SCAI: variants seen among roughly 807,000 people sequenced by gnomAD.
SCAI encodes suppressor of cancer cell invasion, also known as protein SCAI.
SCAI carries 24 observed loss-of-function variants against 92.2 expected under a neutral mutation model. That is an observed-to-expected ratio of 0.26 (90% CI 0.19 to 0.37). SCAI has a LOEUF of 0.37. Among genes scored for constraint, SCAI ranks in the 10% least tolerant of loss-of-function variants. SCAI has a pLI of 1.00. For synonymous variants in SCAI, 261 were observed against 258.6 expected (o/e 1.01, Z -0.09); for missense variants, 450 against 736.2 (o/e 0.61, Z 4.50).
chr9:124,977,919 T>C (rs1240838084), intron 14 of SCAI, among the ~76,000 whole-genome samples: 1 of 152,100 alleles, frequency 6.6e-6, no homozygotes, highest in East Asian at 1.9e-4. Context: ...ATTCCAAATA[T>C]ATCAAAGATG....
At chr9:125,083,592 C>T (rs1392287113) in intron 2 of SCAI, among the ~76,000 whole-genome samples, 2 of 151,734 alleles carry the variant, frequency 1.3e-5, no homozygotes, top group Non-Finnish European at 2.9e-5. Flanking sequence ...CTTCCTCAGC[C>T]ACATGGAACT....
At chr9:125,118,001 A>C (rs180745382) in intron 2 of SCAI, among the ~76,000 whole-genome samples, 1 of 152,246 alleles carries the variant, frequency 6.6e-6, no homozygotes, top group Admixed American at 6.5e-5. Flanking sequence ...TATAAACCTT[A>C]TCCCCTAATA....
rs753626978 is a variant in SCAI, at chr9:124,976,138, T to C, written c.1375A>G (p.Thr459Ala). ...CCTTGTAAAGCTTTTGGATATGCTG[T>C]AGGAGAAAGCAAGCAGACTAGTGGC... ...GQPLVCLLSP[T>A]AYPKALQDQS... The change falls in exon 15 of 18, where the codon ACA (threonine) becomes GCA (alanine). Residue 459 changes from threonine to alanine, a missense_variant. Thr to Ala is a moderately conservative substitution (Grantham distance 58, BLOSUM62 0). Around this residue, in one of 3 missense-constraint regions of SCAI, gnomAD observed 360 missense variants for 601.8 expected, o/e 0.60. Transcript: ENST00000336505. The C allele has an allele frequency of 2.5e-6, 4 of 1,612,362 alleles. No individual in the cohort carries two copies. Among genetic ancestry groups the C allele is most frequent in the Non-Finnish European group, 2.5e-6 (3 of 1,178,516 alleles).
intron 2 of SCAI, among the ~76,000 whole-genome samples, chr9:125,089,466 T>C (rs1197163655): frequency 6.6e-6 from 1 of 152,130 alleles, no homozygotes; most frequent in Non-Finnish European, 1.5e-5. Context: ...CATACAAAGA[T>C]GAAAGTGCAA....
intron 9 of SCAI, among the ~76,000 whole-genome samples, chr9:125,013,200 A>G (rs1832674598): frequency 1.3e-5 from 2 of 151,668 alleles, no homozygotes; most frequent in African/African-American, 4.8e-5. Flanking sequence ...TGAAGGAAAT[A>G]GAGACACAAA....
At chr9:124,975,052 T>C (rs1831728501) in intron 15 of SCAI, among the ~76,000 whole-genome samples, 1 of 152,178 alleles carries the variant, frequency 6.6e-6, no homozygotes, top group South Asian at 2.1e-4. Context: ...GACAGATTGA[T>C]AGCAAAAAGT....
At chr9:124,979,503 G>A (rs1189208663) in intron 14 of SCAI, among the ~76,000 whole-genome samples, 1 of 151,860 alleles carries the variant, frequency 6.6e-6, no homozygotes, top group Admixed American at 6.6e-5. Flanking sequence ...TCATGTCACT[G>A]TACCCTAGCC....
intron 2 of SCAI, among the ~76,000 whole-genome samples, chr9:125,089,127 T>C (rs532145479): frequency 6.6e-6 from 1 of 152,318 alleles, no homozygotes; most frequent in Admixed American, 6.5e-5. Flanking sequence ...ATTCTACATA[T>C]CTAATAATGA....
chr9:124,970,385 T>A (rs1359908566), intron 17 of SCAI, among the ~76,000 whole-genome samples: 1 of 151,800 alleles, frequency 6.6e-6, no homozygotes, highest in Non-Finnish European at 1.5e-5. Flanking sequence ...GGAATAGAAA[T>A]ACATGCTGCA....
chr9:125,123,140 T>C (rs181239013), intron 2 of SCAI, among the ~76,000 whole-genome samples: 71 of 152,250 alleles, frequency 4.7e-4, no homozygotes, highest in African/African-American at 1.6e-3. Context: ...GGTAGGCAGA[T>C]TGCCTGTGCT....
intron 17 of SCAI, among the ~76,000 whole-genome samples, chr9:124,964,402 G>A (rs1427530531): frequency 6.6e-6 from 1 of 152,104 alleles, no homozygotes; most frequent in African/African-American, 2.4e-5. Context: ...CAAATCCTCT[G>A]AAGTCATGCA....
At chr9:125,016,433 T>C (rs141133681) in intron 9 of SCAI, among the ~76,000 whole-genome samples, 80 of 137,852 alleles carry the variant, frequency 5.8e-4, no homozygotes, top group African/African-American at 2.0e-3. Context: ...AAATGTCAGT[T>C]ATCTAAGCAA....
intron 9 of SCAI, among the ~76,000 whole-genome samples, chr9:125,005,601 GATTACAGGCATGAGCC>G (rs1231964747): frequency 2.0e-5 from 3 of 152,192 alleles, no homozygotes; most frequent in Non-Finnish European, 2.9e-5. Context: ...AAAGTGCTGG[GATTACAGGCATGAGCC>G]ACTGCGCCCA....
intron 2 of SCAI, among the ~76,000 whole-genome samples, chr9:125,086,195 G>A (rs1474586250): frequency 6.6e-6 from 1 of 152,150 alleles, no homozygotes; most frequent in Non-Finnish European, 1.5e-5. Flanking sequence ...TAAGCTACTT[G>A]AAAGCAGTAG....
At chr9:125,032,165 A>G (rs2131092337) in intron 3 of SCAI, among the ~76,000 whole-genome samples, 1 of 139,274 alleles carries the variant, frequency 7.2e-6, no homozygotes, top group African/African-American at 2.8e-5. Context: ...TTTAATAGTA[A>G]AATGAATATA....
chr9:124,986,726 C>G (rs773475572), intron 14 of SCAI, among the ~76,000 whole-genome samples: 1 of 152,196 alleles, frequency 6.6e-6, no homozygotes, highest in Non-Finnish European at 1.5e-5. Context: ...CACCATATAA[C>G]TGCAGGACAG....
intron 3 of SCAI, among the ~76,000 whole-genome samples, chr9:125,051,222 C>T (rs988888381): frequency 4.6e-5 from 7 of 151,968 alleles, no homozygotes; most frequent in Admixed American, 1.3e-4. Flanking sequence ...GGGGTTTCAC[C>T]ATGTTGGCCA....
intron 2 of SCAI, among the ~76,000 whole-genome samples, chr9:125,129,675 G>T (rs940904019): frequency 2.4e-4 from 36 of 151,480 alleles, no homozygotes; most frequent in African/African-American, 8.7e-4. Flanking sequence ...TGTTGGCCAG[G>T]CTGGTCTTGA....
chr9:125,036,519 C>A (rs551843928), intron 3 of SCAI, among the ~76,000 whole-genome samples: 1 of 152,246 alleles, frequency 6.6e-6, no homozygotes. Flanking sequence ...AATGAGGACT[C>A]CAGGTGAGAG....
Sources: allele counts gnomAD v4.1 joint callset (sites outside exome capture counted in the v4.1 genomes callset), GRCh38; gene constraint gnomAD v4.1.1; regional missense constraint gnomAD v4.1.1; transcripts MANE v1.5; gene names NCBI Gene and HGNC (gene_info 2026-07-23, HGNC 2026-07-21).